The following RSPH4A variants were observed in gnomAD, a reference collection of about 807,000 sequenced individuals.
RSPH4A encodes the protein radial spoke head component 4A, also known as radial spoke head protein 4 homolog A.
A neutral mutation model predicts 71.0 loss-of-function variants in RSPH4A; 47 were observed. The observed-to-expected ratio is 0.66, with a 90% CI of 0.52 to 0.84. RSPH4A has a LOEUF of 0.84. Ranked by LOEUF, RSPH4A falls within the 40% of genes least tolerant of loss-of-function variation. The pLI, the probability that RSPH4A is intolerant of heterozygous loss-of-function variation, is 0.00. For missense variants in RSPH4A, 793 were observed against 855.2 expected (o/e 0.93, Z 0.91); for synonymous variants, 282 against 302.3 (o/e 0.93, Z 0.70).
intron 3 of RSPH4A, among the ~76,000 whole-genome samples, chr6:116,629,151 C>T (rs918549223): frequency 2.6e-5 from 4 of 152,150 alleles, no homozygotes; most frequent in Admixed American, 2.6e-4. Flanking sequence ...TAAGAGCTAA[C>T]TGAGACATTA....
chr6:116,616,783 C>G lies in RSPH4A; in HGVS notation c.160C>G (p.Gln54Glu), dbSNP rs757396525. Residue 54 changes from glutamine (Q) to glutamate (E), a missense_variant, in exon 1 of 6, where the codon CAG (glutamine) becomes GAG (glutamate). Coordinates refer to ENST00000229554, the MANE Select transcript of RSPH4A (RefSeq NM_001010892.3). The stretch of plus-strand genomic sequence containing the variant: ...GAAGCAGGGGCCAGAAACTGGACGC[C>G]AGTCCCGAAGCAGCCGTCCTTGGAG... ...EAKQGPETGR[Q>E]SRSSRPWSPQ... 6.2e-7 allele frequency: 1 copy of G among 1,614,180 alleles called. No homozygotes were observed.
chr6:116,618,322 G>A (rs7757149), intron 1 of RSPH4A, among the ~76,000 whole-genome samples: 27,746 of 151,956 alleles, frequency 0.18, 2,665 homozygotes, highest in East Asian at 0.29. Flanking sequence ...TTTATACAGA[G>A]AGACAGACTT....
Position 116,632,246 on chromosome 6 carries a change from T to C in RSPH4A, c.1956T>C (p.Tyr652=). 6.2e-7 allele frequency: 1 copy of C among 1,612,096 alleles called. No individual in the cohort carries two copies. The highest frequency in any genetic ancestry group is 8.5e-7 in the Non-Finnish European group (1 of 1,179,714). ...TCTACATAGGCTGGGGTCATAAGTA[T>C]AGTCCAGACAATTATACACCCCCAG... ...ENFYIGWGHK[Y]SPDNYTPPVP... Residue 652 remains tyrosine (Y), a synonymous_variant, in exon 6 of 6, where the codon TAT becomes TAC. Transcript: ENST00000229554.
intron 3 of RSPH4A, 51 bp downstream of exon 3, chr6:116,628,420 T>A: frequency 7.2e-7 from 1 of 1,389,362 alleles, no homozygotes. Flanking sequence ...AAATATTCAT[T>A]AAATGGTCAC....
rs535462909 is a variant in RSPH4A, at chr6:116,632,409, G to C, written c.2119G>C (p.Glu707Gln). The C allele has an allele frequency of 6.2e-7, 1 of 1,613,658 alleles. No individual in the cohort carries two copies. Among genetic ancestry groups the C allele is most frequent in the South Asian group, 1.1e-5 (1 of 90,986 alleles). The change falls in exon 6 of 6, where the codon GAA (glutamate) becomes CAA (glutamine). Residue 707 changes from glutamate to glutamine, a missense_variant. Physicochemically the swap from Glu to Gln is conservative, Grantham distance 29. Transcript: ENST00000229554. ...LLAAENEESE[E>Q]DEDEEDDYD Reference sequence around the variant, plus strand: ...CGCAGCTGAGAATGAAGAATCTGAGGAAGATGAAGATGAGGAAGATGATTA... The same window carrying C: ...CGCAGCTGAGAATGAAGAATCTGAGCAAGATGAAGATGAGGAAGATGATTA...
Position 116,626,363 on chromosome 6 carries a change from CT to C in RSPH4A, c.922-1258del, listed in dbSNP as rs1283791724. On this transcript the variant is annotated intron_variant, in intron 2 of 5. Transcript: ENST00000229554. ...TGTTTCTTTTTTTCTTTTTCTTTTT[CT>C]TTTTTTTGAGACCGTCACCCAGGCT... 3.3e-5 allele frequency among the ~76,000 whole-genome samples: 5 copies of C among 151,038 alleles called. No homozygotes were observed. In the East Asian group the frequency reaches 9.7e-4, roughly 29 times the overall value.
rs1205744498 is a variant in RSPH4A at position 116,628,368 on chromosome 6, A to C, written c.1661A>C (p.Gln554Pro). The C allele has an allele frequency of 3.1e-6, 5 of 1,609,246 alleles. No individual in the cohort carries two copies. Among genetic ancestry groups the C allele is most frequent in the South Asian group, 1.1e-5 (1 of 90,992 alleles). Reference protein sequence around the residue: ...WVHHVQHILSQGRCNWFNSIQ... With the variant: ...WVHHVQHILSPGRCNWFNSIQ... ...CATCATGTACAGCATATTCTCTCTC[A>C]GGTAGGAGCTTTGCACTTCTCAATC... The change falls in exon 3 of 6, where the codon CAG becomes CCG. Residue 554 changes from glutamine (Q) to proline (P), a missense_variant and splice_region_variant. Transcript: ENST00000229554.
chr6:116,630,327 CTGTGTGTGTGCATGCATG>C, intron 4 of RSPH4A, 90 bp from the exon 5 acceptor site: 1 of 765,356 alleles, frequency 1.3e-6, no homozygotes, highest in Non-Finnish European at 2.4e-6. Context: ...ATGTGTGTAT[CTGTGTGTGTGCATGCATG>C]TGTGTGTGTG....
chr6:116,632,373 G>A lies in RSPH4A; in HGVS notation c.2083G>A (p.Ala695Thr). Reference protein sequence around the residue: ...EEQAFRAAQEAVLLAAENEES... With the variant: ...EEQAFRAAQETVLLAAENEES... Reference sequence around the variant, plus strand: ...GCAGGCTTTCAGGGCTGCACAAGAAGCAGTTCTACTCGCAGCTGAGAATGA... The same window carrying A: ...GCAGGCTTTCAGGGCTGCACAAGAAACAGTTCTACTCGCAGCTGAGAATGA... The change falls in exon 6 of 6, where the codon GCA (alanine) becomes ACA (threonine). Residue 695 changes from alanine (A) to threonine (T), a missense_variant. By Grantham distance (58) the Ala-to-Thr change is moderately conservative (BLOSUM62 0). Coordinates refer to ENST00000229554, the MANE Select transcript of RSPH4A (RefSeq NM_001010892.3). 6.2e-7 allele frequency: 1 copy of A among 1,614,066 alleles called. No homozygotes were observed. The highest frequency in any genetic ancestry group is 1.1e-5 in the South Asian group (1 of 91,078).
At position 116,627,195 on chromosome 6, in the gene RSPH4A, A is replaced by T. The variant is rs777455438; in HGVS notation, c.922-434A>T. On this transcript the variant is annotated intron_variant, in intron 2 of 5. Coordinates refer to ENST00000229554, the MANE Select transcript of RSPH4A (RefSeq NM_001010892.3). ...GAAATTCAGGAATTATCATACTTTG[A>T]CCTAAATCTTTTTGTTTGTTTTTTG... Among the ~76,000 whole-genome samples, 3 of 152,048 alleles carry T rather than the reference A, an allele frequency of 2.0e-5. No individual in the cohort carries two copies. The South Asian group carries it at 6.2e-4, about 32-fold the overall frequency.
chr6:116,621,074 G>C (rs993626296), intron 1 of RSPH4A, among the ~76,000 whole-genome samples: 3 of 152,030 alleles, frequency 2.0e-5, no homozygotes. Context: ...GGCCAGGCTG[G>C]TCTCAAACTC....
At chr6:116,631,519 A>G (rs150696330) in intron 5 of RSPH4A, among the ~76,000 whole-genome samples, 62 of 152,290 alleles carry the variant, frequency 4.1e-4, no homozygotes, top group African/African-American at 1.4e-3. Context: ...ACAGACCTGG[A>G]GACCAAGAGG....
rs767086063 is a variant in RSPH4A at position 116,630,449 on chromosome 6, C to A, written c.1813C>A (p.Pro605Thr). Residue 605 changes from proline to threonine, a missense_variant, in exon 5 of 6, where the codon CCC becomes ACC. Physicochemically the swap from Pro to Thr is conservative, Grantham distance 38 (BLOSUM62 -1). Transcript: ENST00000229554. Reference protein sequence around the residue: ...ISEDLEIQNIPPWTTRLSSNL... With the variant: ...ISEDLEIQNITPWTTRLSSNL... ...TTGGGTTCCAGAGATTCAGAATATA[C>A]CCCCCTGGACAACACGGTTATCCTC... The A allele has an allele frequency of 9.6e-6, 15 of 1,569,490 alleles. No homozygotes were observed. In the East Asian group the frequency reaches 2.7e-4, roughly 28 times the overall value.
chr6:116,623,115 G>A, intron 2 of RSPH4A, 113 bp downstream of exon 2: 3 of 765,734 alleles, frequency 3.9e-6, no homozygotes, highest in Middle Eastern at 3.1e-4. Flanking sequence ...GTTTTGTTTT[G>A]TTTTGTTTTG....
Position 116,617,298 on chromosome 6 carries a change from G to A in RSPH4A, c.675G>A (p.Ser225=), listed in dbSNP as rs79327004. The A allele has an allele frequency of 1.1e-5, 18 of 1,611,278 alleles. No individual in the cohort carries two copies. The highest frequency in any genetic ancestry group is 4.0e-5 in the African/African-American group (3 of 74,754). The change falls in exon 1 of 6, where the codon TCG becomes TCA. Residue 225 remains serine (S), a synonymous_variant. Coordinates refer to ENST00000229554, the MANE Select transcript of RSPH4A (RefSeq NM_001010892.3). The part of the protein sequence containing the change: ...KAYLLKTSSN[S]GFNLYDHLSN... ...ACCTGCTGAAGACTAGCAGCAATTCGGGCTTTAATCTGTAAGTCTCAGAGG... is the reference window on the plus strand; with the variant it reads ...ACCTGCTGAAGACTAGCAGCAATTCAGGCTTTAATCTGTAAGTCTCAGAGG...
In RSPH4A at chr6:116,627,992, T is replaced by C; in HGVS notation, c.1285T>C (p.Tyr429His). The C allele has an allele frequency of 6.2e-7, 1 of 1,614,086 alleles. No individual in the cohort carries two copies. Among genetic ancestry groups the C allele is most frequent in the Non-Finnish European group, 8.5e-7 (1 of 1,179,972 alleles). The change falls in exon 3 of 6, where the codon TAT becomes CAT. Residue 429 changes from tyrosine (Y) to histidine (H), a missense_variant. Physicochemically the swap from Tyr to His is moderately conservative, Grantham distance 83. Coordinates refer to ENST00000229554, the MANE Select transcript of RSPH4A (RefSeq NM_001010892.3). ...KEESRTGANK[Y>H]VYFVCNEPGR... ...AGAAAGTAGAACAGGTGCCAACAAA[T>C]ATGTCTATTTTGTTTGCAATGAACC...
chr6:116,629,982 T>C (rs2115364925), intron 4 of RSPH4A, among the ~76,000 whole-genome samples: 1 of 152,372 alleles, frequency 6.6e-6, no homozygotes, highest in Non-Finnish European at 1.5e-5. Context: ...ATTATTCTTG[T>C]CTTGCATTCT....
At position 116,629,618 on chromosome 6, in the gene RSPH4A, G is replaced by A; in HGVS notation, c.1714G>A (p.Glu572Lys). The A allele has an allele frequency of 1.2e-6, 2 of 1,612,114 alleles. No homozygotes were observed. Among genetic ancestry groups the A allele is most frequent in the South Asian group, 1.1e-5 (1 of 91,018 alleles). The change falls in exon 4 of 6, where the codon GAA becomes AAA. Residue 572 changes from glutamate (E) to lysine (K), a missense_variant. Coordinates refer to ENST00000229554, the MANE Select transcript of RSPH4A (RefSeq NM_001010892.3). ...SIQKNEEEEE[E>K]EDEEKDDSDY... ...ACAAAAAAATGAGGAAGAAGAAGAG[G>A]AAGAAGATGAAGAAAAAGACGATTC...
chr6:116,617,986 G>T (rs760050783), intron 1 of RSPH4A, among the ~76,000 whole-genome samples: 2 of 152,140 alleles, frequency 1.3e-5, no homozygotes, highest in Non-Finnish European at 2.9e-5. Flanking sequence ...TGCTTCCAGA[G>T]TTACATAATG....
Sources: allele counts gnomAD v4.1 joint callset (sites outside exome capture counted in the v4.1 genomes callset), GRCh38; gene constraint gnomAD v4.1.1; transcripts MANE v1.5; gene names NCBI Gene and HGNC (gene_info 2026-07-23, HGNC 2026-07-21).